Variants in ANO1 observed in about 807,000 individuals in gnomAD.
ANO1 encodes anoctamin-1.
A neutral mutation model predicts 124.0 loss-of-function variants in ANO1; 59 were observed. The ratio of observed to expected loss-of-function variants is 0.48; its 90% CI spans 0.39 to 0.59. The LOEUF is 0.59. Among genes scored for constraint, ANO1 ranks in the 20% least tolerant of loss-of-function variants. ANO1 has a pLI of 0.00. For missense variants in ANO1, 1,059 were observed against 1,328.0 expected (o/e 0.80, Z 3.15); for synonymous variants, 529 against 532.0 (o/e 0.99, Z 0.08).
chr11:70,092,863 C>T (rs913454485), intron 2 of ANO1, among the ~76,000 whole-genome samples: 3 of 152,142 alleles, frequency 2.0e-5, no homozygotes, highest in African/African-American at 7.2e-5. Context: ...AAGGCATGGG[C>T]ACTCAGATCC....
chr11:70,108,089 A>G lies in ANO1; in HGVS notation c.748-264A>G, dbSNP rs566338999. Reference sequence around the variant, plus strand: ...CAGTGCTTTGCTGGGGCCAACTGCCATGACTCCCACGTTGGGAGGTGAAAG... The same window carrying G: ...CAGTGCTTTGCTGGGGCCAACTGCCGTGACTCCCACGTTGGGAGGTGAAAG... On this transcript the variant is annotated intron_variant, in intron 5 of 25. Transcript: ENST00000355303. 15 of 453,136 alleles carry G rather than the reference A, an allele frequency of 3.3e-5. No individual in the cohort carries two copies. In the East Asian group the frequency reaches 4.5e-4, roughly 14 times the overall value. The allele number at this position is 453,136 out of a possible 1,614,324, so 28.1% of individuals were successfully genotyped here.
At chr11:70,122,353 C>G (rs199818036) in intron 8 of ANO1, among the ~76,000 whole-genome samples, 1 of 113,496 alleles carries the variant, frequency 8.8e-6, no homozygotes, top group Non-Finnish European at 1.9e-5. Context: ...GCCTCTGTCT[C>G]TCTCTCTCTC....
At chr11:70,146,320 G>A (rs2047376039) in intron 11 of ANO1, among the ~76,000 whole-genome samples, 1 of 152,152 alleles carries the variant, frequency 6.6e-6, no homozygotes, top group Non-Finnish European at 1.5e-5. Flanking sequence ...CCTGCCTGCG[G>A]TCGTTGTGAG....
intron 1 of ANO1, among the ~76,000 whole-genome samples, chr11:70,062,328 C>T (rs544374837): frequency 1.6e-4 from 25 of 152,260 alleles, no homozygotes; most frequent in Non-Finnish European, 2.6e-4. Flanking sequence ...CCATCCGCTT[C>T]GGCCTCCCGC....
chr11:70,036,252 C>A (rs781912926), intron 1 of ANO1, among the ~76,000 whole-genome samples: 2 of 152,206 alleles, frequency 1.3e-5, no homozygotes, highest in Non-Finnish European at 2.9e-5. Flanking sequence ...AGGCACATCA[C>A]CCCAATCTCT....
intron 2 of ANO1, 129 bp from the exon 3 acceptor site, chr11:70,102,937 T>C: frequency 1.5e-6 from 1 of 647,722 alleles, no homozygotes. Flanking sequence ...CAACGTGGAA[T>C]GAGGCCGCGG....
intron 19 of ANO1, 98 bp from the exon 20 acceptor site, chr11:70,165,372 G>A (rs1344916492): frequency 2.0e-6 from 2 of 992,738 alleles, no homozygotes; most frequent in Non-Finnish European, 3.0e-6. Context: ...TTTGGAGGAC[G>A]CAGGTCAACC....
chr11:70,027,207 G>A (rs782783357), intron 1 of ANO1, among the ~76,000 whole-genome samples: 10 of 152,138 alleles, frequency 6.6e-5, no homozygotes, highest in Non-Finnish European at 4.4e-5. Flanking sequence ...ATTGTAAGTT[G>A]AAAATATTGT....
intron 7 of ANO1, among the ~76,000 whole-genome samples, chr11:70,113,629 T>C (rs1163437049): frequency 6.6e-6 from 1 of 152,098 alleles, no homozygotes; most frequent in Non-Finnish European, 1.5e-5. Context: ...ATGCTCCTGA[T>C]TGACCTTTAA....
intron 1 of ANO1, among the ~76,000 whole-genome samples, chr11:70,082,728 A>G (rs1037845955): frequency 9.9e-5 from 15 of 152,118 alleles, no homozygotes; most frequent in African/African-American, 3.6e-4. Context: ...CTGCAATTAC[A>G]TCTTTGCCTT....
intron 1 of ANO1, among the ~76,000 whole-genome samples, chr11:70,087,058 A>C (rs530623848): frequency 6.6e-6 from 1 of 152,214 alleles, no homozygotes. Context: ...ATCCATGTGC[A>C]TGGGGAGCCC....
intron 1 of ANO1, among the ~76,000 whole-genome samples, chr11:70,019,497 T>C (rs1046245170): frequency 2.6e-5 from 4 of 152,162 alleles, no homozygotes; most frequent in Admixed American, 2.6e-4. Flanking sequence ...ACCTGCCCTC[T>C]GGGTGTGCAG....
At chr11:70,144,462 G>C (rs2047277281) in intron 11 of ANO1, among the ~76,000 whole-genome samples, 1 of 152,234 alleles carries the variant, frequency 6.6e-6, no homozygotes, top group African/African-American at 2.4e-5. Context: ...GACTGAGGTT[G>C]GCAGCAGTGT....
intron 14 of ANO1, 44 bp downstream of exon 14, chr11:70,153,172 T>C: frequency 6.7e-7 from 1 of 1,490,204 alleles, no homozygotes; most frequent in Non-Finnish European, 9.2e-7. Context: ...AATAAAACAC[T>C]GTGTTCATCA....
intron 1 of ANO1, among the ~76,000 whole-genome samples, chr11:70,032,531 G>GGA (rs1289784889): frequency 3.0e-5 from 4 of 134,352 alleles, no homozygotes; most frequent in African/African-American, 5.3e-5. Flanking sequence ...GAGGGAGGCG[G>GGA]GAGAGGGGGG....
chr11:70,156,877 C>G lies in ANO1; in HGVS notation c.1504-70C>G, dbSNP rs569785730. The G allele has an allele frequency of 3.5e-6, 5 of 1,440,802 alleles. No homozygotes were observed. In the East Asian group the frequency reaches 1.2e-4, roughly 34 times the overall value. 89.3% of individuals were successfully genotyped at this position (1,440,802 alleles called of 1,614,324 possible). On this transcript the variant is annotated intron_variant, in intron 15 of 25. Transcript: ENST00000355303. Reference sequence around the variant, plus strand: ...GGCCCATGCACGCACGCACATGCACCCACGCTGACACACAGAGATGTCTCA... The same window carrying G: ...GGCCCATGCACGCACGCACATGCACGCACGCTGACACACAGAGATGTCTCA...
Position 70,188,823 on chromosome 11 carries a change from T to C in ANO1, c.*819T>C, listed in dbSNP as rs1320372638. 1 of 151,450 alleles carries C rather than the reference T, an allele frequency of 6.6e-6. No homozygotes were observed. The highest frequency in any genetic ancestry group is 2.4e-5 in the African/African-American group (1 of 41,068). The allele number at this position is 151,450 out of a possible 1,614,324, so 9.4% of individuals were successfully genotyped here. A position where few individuals can be genotyped will look rare whatever the true frequency, so the allele number is the denominator to read the frequency against. On this transcript the variant is annotated 3_prime_UTR_variant, in exon 26 of 26. Coordinates refer to ENST00000355303, the MANE Select transcript of ANO1 (RefSeq NM_018043.7). Reference sequence around the variant, plus strand: ...ACCTCGGAAGCATTTCCACAGATGGTGTCAGGGTTTCAAGAAGTCTTAGGG... The same window carrying C: ...ACCTCGGAAGCATTTCCACAGATGGCGTCAGGGTTTCAAGAAGTCTTAGGG...
chr11:70,105,762 T>C lies in ANO1; in HGVS notation c.721T>C (p.Phe241Leu). ...TGACTTGTCTGATAAGGATTCCTTT[T>C]TCGACAGCAAAACCCGGAGCACGAT... ...LFDLSDKDSF[F>L]DSKTRSTIVY... is the part of the protein sequence containing the mutation. The change falls in exon 5 of 26, where the codon TTC (phenylalanine) becomes CTC (leucine). Residue 241 changes from phenylalanine (F) to leucine (L), a missense_variant. Phe to Leu is a conservative substitution (Grantham distance 22). This residue lies in a region of ANO1 where 809 missense variants were observed against 1,094.9 expected (regional missense o/e 0.74). Transcript: ENST00000355303. 1.9e-6 allele frequency: 3 copies of C among 1,613,748 alleles called. No homozygotes were observed. The highest frequency in any genetic ancestry group is 2.5e-6 in the Non-Finnish European group (3 of 1,179,788).
At chr11:69,972,745 C>T in the ANO1 span, among the ~76,000 whole-genome samples, 16 of 152,160 alleles carry the variant, frequency 1.1e-4, no homozygotes, top group Non-Finnish European at 5.9e-5. Flanking sequence ...TGTAAGGCAA[C>T]AGCCAGCTGC....
Sources: allele counts gnomAD v4.1 joint callset (sites outside exome capture counted in the v4.1 genomes callset), GRCh38; gene constraint gnomAD v4.1.1; regional missense constraint gnomAD v4.1.1; transcripts MANE v1.5; gene names NCBI Gene and HGNC (gene_info 2026-07-23, HGNC 2026-07-21).